The following DPP10 variants were observed in gnomAD, a reference collection of about 807,000 sequenced individuals.
The protein encoded by DPP10 is inactive dipeptidyl peptidase 10.
In DPP10, 33 loss-of-function variants were observed where a neutral mutation model predicts 120.9. The observed-to-expected ratio is 0.27, with a 90% CI of 0.21 to 0.37. The LOEUF is 0.37. Among genes scored for constraint, DPP10 ranks in the 10% least tolerant of loss-of-function variants. DPP10 has a pLI of 1.00. For missense variants in DPP10, 816 were observed against 942.8 expected (o/e 0.87, Z 1.76); for synonymous variants, 337 against 326.1 (o/e 1.03, Z -0.36).
chr2:114,734,720 T>G (rs181727836), intron 1 of DPP10, among the ~76,000 whole-genome samples: 119 of 152,324 alleles, frequency 7.8e-4, no homozygotes, highest in African/African-American at 2.6e-3. Context: ...GAAAAGTGTC[T>G]GAAATGGTCT....
intron 1 of DPP10, among the ~76,000 whole-genome samples, chr2:115,279,649 C>CTTTTTTTT: frequency 2.0e-5 from 1 of 50,028 alleles, no homozygotes; most frequent in Non-Finnish European, 4.2e-5. Context: ...TTCTTTTTTT[C>CTTTTTTTT]TTCTTCTTTT....
rs137923053 is a variant in DPP10, at chr2:114,469,231, C to T, written c.60+26393C>T. On this transcript the variant is annotated intron_variant, in intron 1 of 25. Transcript: ENST00000410059. Reference sequence around the variant, plus strand: ...CATCTTAGGGCATCATACTTCATGGCAAATGTAGGATGGGTACAGGATTGA... The same window carrying T: ...CATCTTAGGGCATCATACTTCATGGTAAATGTAGGATGGGTACAGGATTGA... 5.3e-5 allele frequency among the ~76,000 whole-genome samples: 8 copies of T among 152,226 alleles called. No individual in the cohort carries two copies. The East Asian group carries it at 1.5e-3, about 29-fold the overall frequency.
At chr2:115,682,058 G>C (rs955759487) in intron 5 of DPP10, among the ~76,000 whole-genome samples, 2 of 151,896 alleles carry the variant, frequency 1.3e-5, no homozygotes, top group Non-Finnish European at 2.9e-5. Context: ...AAGCTAGGTT[G>C]GGAGTTTGGC....
chr2:115,504,745 C>T (rs72959796), intron 4 of DPP10, among the ~76,000 whole-genome samples: 421 of 152,114 alleles, frequency 2.8e-3, no homozygotes, highest in African/African-American at 9.7e-3. Flanking sequence ...CATTTAGGCT[C>T]TTCAAAATTT....
intron 1 of DPP10, among the ~76,000 whole-genome samples, chr2:115,054,078 A>T (rs1705709488): frequency 6.6e-6 from 1 of 152,232 alleles, no homozygotes; most frequent in African/African-American, 2.4e-5. Context: ...CAAGTAGGAT[A>T]GAGCAGCTAA....
At chr2:115,067,996 A>G (rs1707063488) in intron 1 of DPP10, among the ~76,000 whole-genome samples, 1 of 151,544 alleles carries the variant, frequency 6.6e-6, no homozygotes. Flanking sequence ...TTGATTCCGT[A>G]TCTTGGCCAT....
intron 1 of DPP10, among the ~76,000 whole-genome samples, chr2:114,979,298 A>T (rs1436164186): frequency 2.6e-5 from 4 of 152,014 alleles, no homozygotes; most frequent in Non-Finnish European, 5.9e-5. Context: ...AATAAATTTA[A>T]AAATTCTTCT....
chr2:115,618,298 T>C (rs1392719483), intron 5 of DPP10, among the ~76,000 whole-genome samples: 1 of 152,146 alleles, frequency 6.6e-6, no homozygotes, highest in Non-Finnish European at 1.5e-5. Context: ...AAAATATACA[T>C]TGAGTGCAAT....
intron 3 of DPP10, among the ~76,000 whole-genome samples, chr2:115,418,481 G>T (rs1305255772): frequency 6.6e-6 from 1 of 152,148 alleles, no homozygotes; most frequent in African/African-American, 2.4e-5. Context: ...TCTAAAATTT[G>T]CAGAGCAAGC....
Position 114,614,098 on chromosome 2 carries a change from C to T in DPP10, c.60+171260C>T, listed in dbSNP as rs1241079727. Among the ~76,000 whole-genome samples, 5 of 152,142 alleles carry T rather than the reference C, an allele frequency of 3.3e-5. No homozygotes were observed. In the East Asian group the frequency reaches 9.7e-4, roughly 29 times the overall value. On this transcript the variant is annotated intron_variant, in intron 1 of 25. Coordinates refer to ENST00000410059, the MANE Select transcript of DPP10 (RefSeq NM_020868.6). ...CATGTGTACCTATGTAAAAAACCGG[C>T]ACATTCTGCATATGTATCCCAGAAC...
chr2:115,130,513 C>T (rs144668161), intron 1 of DPP10, among the ~76,000 whole-genome samples: 10,553 of 150,714 alleles, frequency 0.07, 709 homozygotes, highest in East Asian at 0.29. Context: ...TCCATCCATC[C>T]ATCCATCCAT....
rs370512849 is a variant in DPP10 at position 115,574,772 on chromosome 2, G to T, written c.441+48800G>T. Among the ~76,000 whole-genome samples, 194 of 152,232 alleles carry T rather than the reference G, an allele frequency of 1.3e-3. 2 individuals are homozygous for T. The highest frequency in any genetic ancestry group is 4.6e-3 in the African/African-American group (191 of 41,534). Reference sequence around the variant, plus strand: ...AACGTTTGTGGAATGAATTTACCTCGGGCATTGCAGTTCCTTAGATGTACG... The same window carrying T: ...AACGTTTGTGGAATGAATTTACCTCTGGCATTGCAGTTCCTTAGATGTACG... On this transcript the variant is annotated intron_variant, in intron 5 of 25. Transcript: ENST00000410059.
intron 21 of DPP10, among the ~76,000 whole-genome samples, chr2:115,830,358 CAAAAAAAAA>C (rs545749288): frequency 1.4e-4 from 10 of 71,284 alleles, no homozygotes; most frequent in African/African-American, 3.4e-4. Context: ...AATTCTGTCT[CAAAAAAAAA>C]AAAAAAAAAA....
intron 1 of DPP10, among the ~76,000 whole-genome samples, chr2:114,693,032 G>T (rs540581795): frequency 2.6e-5 from 4 of 151,956 alleles, no homozygotes; most frequent in African/African-American, 9.6e-5. Flanking sequence ...CATTTATCCA[G>T]CTTGCCTTTC....
intron 3 of DPP10, among the ~76,000 whole-genome samples, chr2:115,351,061 CCATA>C (rs1452087434): frequency 6.6e-6 from 1 of 152,036 alleles, no homozygotes; most frequent in East Asian, 1.9e-4. Context: ...CCAAAAAGAC[CCATA>C]CATTTGCATG....
At chr2:114,586,489 G>C (rs1203663405) in intron 1 of DPP10, among the ~76,000 whole-genome samples, 3 of 152,166 alleles carry the variant, frequency 2.0e-5, no homozygotes, top group African/African-American at 7.2e-5. Context: ...ACTAGTACCA[G>C]CACATAAATT....
In DPP10 at chr2:115,201,127, G is replaced by A. The variant is rs17044174; in HGVS notation, c.61-108112G>A. ...TAGAAAAACAAGCTACTCTGAAAGCGTATCTTTGGTCAACACAGCCAAACA... is the reference window on the plus strand; with the variant it reads ...TAGAAAAACAAGCTACTCTGAAAGCATATCTTTGGTCAACACAGCCAAACA... On this transcript the variant is annotated intron_variant, in intron 1 of 25. Transcript: ENST00000410059. Among the ~76,000 whole-genome samples the A allele has an allele frequency of 4.9e-3, 748 of 152,188 alleles. 5 individuals carry two copies. Among genetic ancestry groups the A allele is most frequent in the African/African-American group, 0.016 (680 of 41,526 alleles).
In DPP10 at chr2:115,155,461, T is replaced by C. The variant is rs1332591095; in HGVS notation, c.61-153778T>C. ...GTCCTGTGAGGCTTTTGATGTCCTA[T>C]TAACTAAGATTAAACACTCTTATAA... On this transcript the variant is annotated intron_variant, in intron 1 of 25. Coordinates refer to ENST00000410059, the MANE Select transcript of DPP10 (RefSeq NM_020868.6). Among the ~76,000 whole-genome samples, 4 of 152,200 alleles carry C rather than the reference T, an allele frequency of 2.6e-5. No homozygotes were observed. The East Asian group carries it at 7.7e-4, about 29-fold the overall frequency.
chr2:115,539,899 G>A (rs1310797099), intron 5 of DPP10, among the ~76,000 whole-genome samples: 2 of 151,176 alleles, frequency 1.3e-5, no homozygotes, highest in African/African-American at 4.9e-5. Context: ...ATTATACCAA[G>A]ACAGCAATGT....
Sources: gnomAD v4.1 joint callset for allele counts (sites outside exome capture counted in the v4.1 genomes callset) on GRCh38, gnomAD v4.1.1 for gene constraint, MANE v1.5 for transcripts, NCBI Gene and HGNC (gene_info 2026-07-23, HGNC 2026-07-21) for gene names.